Variants in MAML2 observed in about 807,000 individuals in gnomAD.
MAML2 encodes mastermind-like protein 2.
MAML2 carries 22 observed loss-of-function variants against 96.1 expected under a neutral mutation model. The observed-to-expected ratio is 0.23, with a 90% CI of 0.16 to 0.33. The LOEUF (loss-of-function observed/expected upper bound fraction) is 0.33, where lower values mean the gene tolerates loss of function less well. MAML2 is among the 10% of genes least tolerant of loss of function. The pLI is 1.00. For synonymous variants in MAML2, 561 were observed against 521.3 expected (o/e 1.08, Z -1.04); for missense variants, 1,367 against 1,392.4 (o/e 0.98, Z 0.29).
intron 1 of MAML2, among the ~76,000 whole-genome samples, chr11:96,332,524 T>C (rs965311359): frequency 1.3e-5 from 2 of 152,158 alleles, no homozygotes; most frequent in African/African-American, 4.8e-5. Flanking sequence ...GGCCCAAACT[T>C]TACTAAACGG....
chr11:95,995,171 A>T (rs1857972447), intron 2 of MAML2, among the ~76,000 whole-genome samples: 1 of 152,248 alleles, frequency 6.6e-6, no homozygotes, highest in Admixed American at 6.5e-5. Flanking sequence ...TAGAACTCGC[A>T]GACTACAGAA....
chr11:96,042,140 C>T (rs1347162515), intron 2 of MAML2, among the ~76,000 whole-genome samples: 1 of 152,136 alleles, frequency 6.6e-6, no homozygotes, highest in Non-Finnish European at 1.5e-5. Context: ...CCATGCCTGG[C>T]TAATTTTTTG....
chr11:96,193,380 A>AAC (rs1861684342), intron 1 of MAML2, among the ~76,000 whole-genome samples: 6 of 152,094 alleles, frequency 3.9e-5, no homozygotes, highest in Non-Finnish European at 8.8e-5. Flanking sequence ...ACAACAACAA[A>AAC]AAAAAATGTG....
chr11:96,023,389 C>G (rs931653312), intron 2 of MAML2, among the ~76,000 whole-genome samples: 5 of 152,198 alleles, frequency 3.3e-5, no homozygotes, highest in African/African-American at 1.2e-4. Flanking sequence ...AATGCACCCA[C>G]TTGCCGAGCC....
chr11:96,162,713 AAAAAAG>A (rs1195521236), intron 1 of MAML2, among the ~76,000 whole-genome samples: 8 of 136,120 alleles, frequency 5.9e-5, no homozygotes, highest in Non-Finnish European at 1.3e-4. Context: ...CTCCGTCTCA[AAAAAAG>A]AAAAAAAAAA....
At chr11:96,034,021 AC>A (rs1373236727) in intron 2 of MAML2, among the ~76,000 whole-genome samples, 1 of 152,042 alleles carries the variant, frequency 6.6e-6, no homozygotes, top group Non-Finnish European at 1.5e-5. Flanking sequence ...TTTATCCCCC[AC>A]TCCCTATTGT....
At chr11:96,332,495 G>A (rs548645216) in intron 1 of MAML2, among the ~76,000 whole-genome samples, 2 of 152,342 alleles carry the variant, frequency 1.3e-5, no homozygotes, top group South Asian at 4.1e-4. Flanking sequence ...TCTCTTTGGT[G>A]CAATGGCTCT....
chr11:96,292,367 G>T (rs1178193727), intron 1 of MAML2, among the ~76,000 whole-genome samples: 1 of 152,150 alleles, frequency 6.6e-6, no homozygotes, highest in Non-Finnish European at 1.5e-5. Context: ...TTTATCTATT[G>T]AATGCTCACT....
intron 1 of MAML2, among the ~76,000 whole-genome samples, chr11:96,289,517 A>G (rs1320255309): frequency 6.6e-6 from 1 of 152,222 alleles, no homozygotes; most frequent in African/African-American, 2.4e-5. Flanking sequence ...GCATCTATAA[A>G]TGTAACTTTC....
Position 96,310,414 on chromosome 11 carries a change from A to G in MAML2, c.513+30969T>C, listed in dbSNP as rs375623859. On this transcript the variant is annotated intron_variant, in intron 1 of 4. Coordinates refer to ENST00000524717, the MANE Select transcript of MAML2 (RefSeq NM_032427.4). ...CTACAGTATGTCAAATTTCACCCCA[A>G]TGTGACCTGAAACTGCCAGAAGCAT... Among the ~76,000 whole-genome samples, 17 of 152,338 alleles carry G rather than the reference A, an allele frequency of 1.1e-4. No homozygotes were observed. In the South Asian group the frequency reaches 2.1e-3, roughly 19 times the overall value.
At chr11:96,002,588 G>A (rs1277865438) in intron 2 of MAML2, among the ~76,000 whole-genome samples, 8 of 151,336 alleles carry the variant, frequency 5.3e-5, no homozygotes, top group African/African-American at 1.9e-4. Flanking sequence ...ATGATGACAG[G>A]GATGATGAGG....
intron 1 of MAML2, among the ~76,000 whole-genome samples, chr11:96,277,322 G>T (rs1847367677): frequency 6.6e-6 from 1 of 151,154 alleles, no homozygotes; most frequent in South Asian, 2.1e-4. Context: ...ATCAAGTCAG[G>T]GTATTTGGGG....
rs1427665667 is a variant in MAML2 at position 96,202,363 on chromosome 11, A to G, written c.514-108846T>C. 3.5e-4 allele frequency among the ~76,000 whole-genome samples: 53 copies of G among 151,448 alleles called. 1 individual carries two copies. The highest frequency in any genetic ancestry group is 4.4e-5 in the Non-Finnish European group (3 of 67,860). On this transcript the variant is annotated intron_variant, in intron 1 of 4. Coordinates refer to ENST00000524717, the MANE Select transcript of MAML2 (RefSeq NM_032427.4). Reference sequence around the variant, plus strand: ...AAGACTCCATCTCAAAAAAAAAAAAAAAAAATTGATTATGTTTCAGCAGTT... The same window carrying G: ...AAGACTCCATCTCAAAAAAAAAAAAGAAAAATTGATTATGTTTCAGCAGTT...
chr11:96,312,619 C>G (rs1863558861), intron 1 of MAML2, among the ~76,000 whole-genome samples: 1 of 152,124 alleles, frequency 6.6e-6, no homozygotes, highest in Admixed American at 6.5e-5. Flanking sequence ...AAGTATGAGG[C>G]AGAGCACAGA....
At chr11:96,057,171 G>A (rs1217381959) in intron 2 of MAML2, among the ~76,000 whole-genome samples, 3 of 152,152 alleles carry the variant, frequency 2.0e-5, no homozygotes, top group African/African-American at 4.8e-5. Context: ...ATACATCCAT[G>A]AGTGCCATGG....
At chr11:96,221,443 T>C (rs1391685815) in intron 1 of MAML2, among the ~76,000 whole-genome samples, 1 of 152,174 alleles carries the variant, frequency 6.6e-6, no homozygotes, top group Non-Finnish European at 1.5e-5. Flanking sequence ...TTGTATCCCC[T>C]GTCATTTTGG....
chr11:96,318,694 C>T (rs911592745), intron 1 of MAML2, among the ~76,000 whole-genome samples: 3 of 152,176 alleles, frequency 2.0e-5, no homozygotes, highest in Non-Finnish European at 4.4e-5. Flanking sequence ...GAATGTAACA[C>T]TCAGGAGGGT....
At chr11:95,983,255 T>C (rs1050289454) in intron 4 of MAML2, among the ~76,000 whole-genome samples, 3 of 152,148 alleles carry the variant, frequency 2.0e-5, no homozygotes, top group Non-Finnish European at 4.4e-5. Flanking sequence ...TGTGTTTGTG[T>C]CTTAGTTTAA....
At chr11:96,036,131 A>G (rs1858707404) in intron 2 of MAML2, among the ~76,000 whole-genome samples, 1 of 152,188 alleles carries the variant, frequency 6.6e-6, no homozygotes, top group Non-Finnish European at 1.5e-5. Context: ...CTATTCTTTG[A>G]GATGCTACAC....
Sources: allele counts gnomAD v4.1 joint callset (sites outside exome capture counted in the v4.1 genomes callset), GRCh38; gene constraint gnomAD v4.1.1; transcripts MANE v1.5; gene names NCBI Gene and HGNC (gene_info 2026-07-23, HGNC 2026-07-21).